Variants in MAST4 observed in about 807,000 individuals in gnomAD.
The protein encoded by MAST4 is microtubule associated serine/threonine kinase family member 4.
MAST4 carries 89 observed loss-of-function variants against 162.7 expected under a neutral mutation model. That is an observed-to-expected ratio of 0.55 (90% CI 0.46 to 0.65). The LOEUF is 0.65. MAST4 is among the 30% of genes least tolerant of loss of function. The probability of loss-of-function intolerance (pLI) is 0.00; values close to 1 mark genes in which losing one functional copy is unlikely to be tolerated. For synonymous variants in MAST4, 1,479 were observed against 1,361.1 expected (o/e 1.09, Z -1.91); for missense variants, 3,153 against 3,374.0 (o/e 0.93, Z 1.62).
intron 1 of MAST4, among the ~76,000 whole-genome samples, chr5:66,603,809 C>A (rs1372896532): frequency 6.6e-6 from 1 of 152,178 alleles, no homozygotes; most frequent in African/African-American, 2.4e-5. Context: ...CTGCTCTGTG[C>A]ACTTGTTCAG....
At chr5:67,047,599 T>C (rs1757538019) in intron 4 of MAST4, among the ~76,000 whole-genome samples, 1 of 152,232 alleles carries the variant, frequency 6.6e-6, no homozygotes. Flanking sequence ...AAATTTGTTA[T>C]GTTCATTTTC....
intron 4 of MAST4, among the ~76,000 whole-genome samples, chr5:67,048,989 A>ATG (rs1757717153): frequency 1.6e-5 from 2 of 124,900 alleles, no homozygotes; most frequent in Admixed American, 8.7e-5. Context: ...ATATATATGT[A>ATG]TATATATATA....
chr5:67,134,917 G>A (rs1343013243), intron 18 of MAST4, among the ~76,000 whole-genome samples: 1 of 152,184 alleles, frequency 6.6e-6, no homozygotes, highest in Non-Finnish European at 1.5e-5. Context: ...ATTTGGAAAT[G>A]TACTAGCAAC....
At chr5:66,746,131 C>T (rs1752744560) in intron 1 of MAST4, among the ~76,000 whole-genome samples, 1 of 152,138 alleles carries the variant, frequency 6.6e-6, no homozygotes, top group Non-Finnish European at 1.5e-5. Flanking sequence ...AGGTCCTTTC[C>T]ACTGCTTAAT....
At chr5:66,838,330 G>A (rs77116816) in intron 3 of MAST4, among the ~76,000 whole-genome samples, 1,675 of 152,194 alleles carry the variant, frequency 0.011, 33 homozygotes, top group African/African-American at 0.037. Context: ...GATTGTGAAT[G>A]TATGTGCTTT....
intron 3 of MAST4, among the ~76,000 whole-genome samples, chr5:66,876,201 C>T (rs1761291685): frequency 6.6e-6 from 1 of 152,310 alleles, no homozygotes; most frequent in Admixed American, 6.5e-5. Flanking sequence ...GTAAATGAAG[C>T]AGAGACAATA....
chr5:67,152,907 A>C, intron 25 of MAST4, 41 bp downstream of exon 25: 1 of 1,544,946 alleles, frequency 6.5e-7, no homozygotes, highest in East Asian at 2.3e-5. Flanking sequence ...TTTCATTTCC[A>C]GCCAAGCTGG....
intron 2 of MAST4, among the ~76,000 whole-genome samples, chr5:66,787,849 C>A (rs1755187248): frequency 1.3e-5 from 2 of 152,132 alleles, no homozygotes; most frequent in Non-Finnish European, 2.9e-5. Context: ...ATTATTGGGG[C>A]AAAGCAGATG....
chr5:67,163,211 G>A lies in MAST4; in HGVS notation c.4032G>A (p.Gly1344=), dbSNP rs775230698. Residue 1344 remains glycine (G), a synonymous_variant, in exon 29 of 29, where the codon GGG becomes GGA. Coordinates refer to ENST00000403625, the MANE Select transcript of MAST4 (RefSeq NM_001164664.2). This position sits in a 1 kb window ranked among gnomAD's most constrained non-coding sequence, Gnocchi z 7.0. Reference sequence around the variant, plus strand: ...CCCCCAATTCCCCAGCAGGGTCCGGGCACATCCGGCCCAGCACTCTCCACG... The same window carrying A: ...CCCCCAATTCCCCAGCAGGGTCCGGACACATCCGGCCCAGCACTCTCCACG... ...SSAPNSPAGS[G]HIRPSTLHGL... 19 of 1,613,696 alleles carry A rather than the reference G, an allele frequency of 1.2e-5. No individual in the cohort carries two copies. The highest frequency in any genetic ancestry group is 2.2e-5 in the East Asian group (1 of 44,858).
intron 7 of MAST4, among the ~76,000 whole-genome samples, chr5:67,099,373 G>T (rs1331923369): frequency 6.6e-6 from 1 of 151,610 alleles, no homozygotes; most frequent in Non-Finnish European, 1.5e-5. Context: ...GTCTCAATAT[G>T]TACTTAGTAA....
intron 1 of MAST4, among the ~76,000 whole-genome samples, chr5:66,611,447 C>T (rs945066749): frequency 1.3e-5 from 2 of 152,212 alleles, no homozygotes; most frequent in Non-Finnish European, 2.9e-5. Flanking sequence ...TTCTGTCCTC[C>T]TCTCATGAGA....
In MAST4 at chr5:66,793,848, G is replaced by A. The variant is rs544002220; in HGVS notation, c.642+5054G>A. Among the ~76,000 whole-genome samples the A allele has an allele frequency of 1.8e-4, 28 of 151,888 alleles. 1 individual carries two copies. The South Asian group carries it at 4.6e-3, about 25-fold the overall frequency. On this transcript the variant is annotated intron_variant, in intron 3 of 28. Coordinates refer to ENST00000403625, the MANE Select transcript of MAST4 (RefSeq NM_001164664.2). ...ATTTCATTTCCTTCATTCATTTTTC[G>A]CCATAGCTTATCACTGTCCAGTATA...
chr5:66,816,998 A>G (rs952279701), intron 3 of MAST4, among the ~76,000 whole-genome samples: 1 of 151,872 alleles, frequency 6.6e-6, no homozygotes, highest in Non-Finnish European at 1.5e-5. Context: ...ACCTACCCTT[A>G]CCCTCTACCC....
At chr5:66,671,407 C>A (rs1164505754) in intron 1 of MAST4, among the ~76,000 whole-genome samples, 2 of 152,164 alleles carry the variant, frequency 1.3e-5, no homozygotes, top group African/African-American at 4.8e-5. Flanking sequence ...CCAGCTAAGT[C>A]TGTCCCTTGG....
intron 1 of MAST4, among the ~76,000 whole-genome samples, chr5:66,638,020 T>C (rs2149431060): frequency 6.6e-6 from 1 of 152,322 alleles, no homozygotes; most frequent in South Asian, 2.1e-4. Context: ...ATATCTTCTT[T>C]AGTTGTAATT....
chr5:66,795,789 G>A (rs568197635), intron 3 of MAST4, among the ~76,000 whole-genome samples: 2 of 152,312 alleles, frequency 1.3e-5, no homozygotes, highest in South Asian at 4.1e-4. Context: ...TACAGGAACT[G>A]CTGAGTGTGA....
At position 66,799,536 on chromosome 5, in the gene MAST4, T is replaced by C. The variant is rs114496694; in HGVS notation, c.642+10742T>C. Reference sequence around the variant, plus strand: ...CTTTTAAATGACACCAGATGAAATATCATGGACTTATATTTGGTTGTGCCT... The same window carrying C: ...CTTTTAAATGACACCAGATGAAATACCATGGACTTATATTTGGTTGTGCCT... On this transcript the variant is annotated intron_variant, in intron 3 of 28. Transcript: ENST00000403625. Among the ~76,000 whole-genome samples, 306 of 152,312 alleles carry C rather than the reference T, an allele frequency of 2.0e-3. 2 individuals are homozygous for C. The highest frequency in any genetic ancestry group is 7.0e-3 in the African/African-American group (292 of 41,572).
intron 1 of MAST4, among the ~76,000 whole-genome samples, chr5:66,712,721 C>T (rs774094320): frequency 4.0e-4 from 60 of 151,884 alleles, no homozygotes; most frequent in Middle Eastern, 3.4e-3. Context: ...TGTTCTTTGC[C>T]GAAAAAGTAA....
intron 1 of MAST4, among the ~76,000 whole-genome samples, chr5:66,747,805 G>A (rs1468320452): frequency 6.6e-6 from 1 of 152,206 alleles, no homozygotes; most frequent in East Asian, 1.9e-4. Flanking sequence ...TGCATTGCAG[G>A]AAATTCAGTT....
Sources: gnomAD v4.1 joint callset for allele counts (sites outside exome capture counted in the v4.1 genomes callset) on GRCh38, gnomAD v4.1.1 for gene constraint, Gnocchi (gnomAD v3.1) non-coding constraint, MANE v1.5 for transcripts, NCBI Gene and HGNC (gene_info 2026-07-23, HGNC 2026-07-21) for gene names.